The following NRXN3 variants were observed in gnomAD, a reference collection of about 807,000 sequenced individuals.
The protein encoded by NRXN3 is neurexin 3.
A neutral mutation model predicts 137.6 loss-of-function variants in NRXN3; 32 were observed. The ratio of observed to expected loss-of-function variants is 0.23; its 90% CI spans 0.18 to 0.31. The LOEUF is 0.31. NRXN3 is among the 10% of genes least tolerant of loss of function. The pLI, the probability that NRXN3 is intolerant of heterozygous loss-of-function variation, is 1.00. For missense variants in NRXN3, 1,574 were observed against 2,062.5 expected (o/e 0.76, Z 4.59); for synonymous variants, 798 against 784.5 (o/e 1.02, Z -0.29).
At chr14:78,429,366 A>G (rs958864808) in intron 4 of NRXN3, among the ~76,000 whole-genome samples, 3 of 152,304 alleles carry the variant, frequency 2.0e-5, no homozygotes, top group African/African-American at 7.2e-5. Flanking sequence ...GGCATGAGCC[A>G]CCACGCCCAG....
At chr14:79,036,593 GTTTTTTTTTTTT>G (rs57154485) in intron 15 of NRXN3, among the ~76,000 whole-genome samples, 53,541 of 101,852 alleles carry the variant, frequency 0.53, 15,313 homozygotes, top group South Asian at 0.69. Context: ...TTCGTTTTGG[GTTTTTTTTTTTT>G]TTTTTTTTTT....
Position 79,517,896 on chromosome 14 carries a change from C to CTTTTTTTTTTT in NRXN3, c.3444+50511_3444+50521dup, listed in dbSNP as rs34241975. The stretch of plus-strand genomic sequence containing the variant: ...TTCTTTCAGAGTTTTCCTGACTTTC[C>CTTTTTTTTTTT]TTTTTTTTTTTTTTTTTTTTTTTTT... On this transcript the variant is annotated intron_variant, in intron 16 of 20. Transcript: ENST00000335750. Among the ~76,000 whole-genome samples, 12 of 73,360 alleles carry CTTTTTTTTTTT rather than the reference C, an allele frequency of 1.6e-4. 1 individual carries two copies. Among genetic ancestry groups the CTTTTTTTTTTT allele is most frequent in the East Asian group, 1.4e-3 (3 of 2,072 alleles). The allele number at this position is 73,360 out of a possible 152,430, so 48.1% of individuals were successfully genotyped here. A position where few individuals can be genotyped will look rare whatever the true frequency, so the allele number is the denominator to read the frequency against.
At chr14:79,781,612 T>C (rs1327173803) in intron 19 of NRXN3, among the ~76,000 whole-genome samples, 1 of 152,222 alleles carries the variant, frequency 6.6e-6, no homozygotes, top group African/African-American at 2.4e-5. Context: ...GATCCTGTTT[T>C]CTTTTTCAGT....
chr14:79,253,605 C>T (rs1202526743), intron 15 of NRXN3, among the ~76,000 whole-genome samples: 1 of 152,152 alleles, frequency 6.6e-6, no homozygotes, highest in Non-Finnish European at 1.5e-5. Flanking sequence ...CTCACAGTTC[C>T]ACATGTCTGG....
intron 4 of NRXN3, among the ~76,000 whole-genome samples, chr14:78,533,099 C>CCTTTT (rs2096490931): frequency 1.7e-5 from 2 of 120,062 alleles, no homozygotes; most frequent in African/African-American, 3.1e-5. Context: ...TCCCTCCAGC[C>CCTTTT]TTTTTTTTTT....
intron 16 of NRXN3, among the ~76,000 whole-genome samples, chr14:79,516,879 A>G (rs1057260188): frequency 2.0e-5 from 3 of 152,196 alleles, no homozygotes; most frequent in African/African-American, 7.2e-5. Flanking sequence ...TTGAATGAAC[A>G]TGCCTTATTT....
chr14:78,483,039 A>T (rs1199287001), intron 4 of NRXN3, among the ~76,000 whole-genome samples: 1 of 152,020 alleles, frequency 6.6e-6, no homozygotes, highest in Non-Finnish European at 1.5e-5. Context: ...TTGTTTTTTT[A>T]AATTTTTGAG....
chr14:78,957,154 A>G lies in NRXN3; in HGVS notation c.2276-88A>G, dbSNP rs563983152. On this transcript the variant is annotated intron_variant, in intron 10 of 20. Coordinates refer to ENST00000335750, the MANE Select transcript of NRXN3 (RefSeq NM_001330195.2). ...ATAATTCCTTGAATGCTGCTGGGTC[A>G]TGTGCACCAGTGTGGTTTTGACAAC... is the stretch of plus-strand genomic sequence containing the variant. The G allele has an allele frequency of 2.2e-6, 3 of 1,383,114 alleles. No homozygotes were observed. The East Asian group carries it at 7.0e-5, about 32-fold the overall frequency. 85.7% of individuals were successfully genotyped at this position (1,383,114 alleles called of 1,614,324 possible). A position where few individuals can be genotyped will look rare whatever the true frequency, so the allele number is the denominator to read the frequency against.
chr14:78,605,240 TCA>T (rs2097239508), intron 4 of NRXN3, among the ~76,000 whole-genome samples: 1 of 152,292 alleles, frequency 6.6e-6, no homozygotes, highest in Non-Finnish European at 1.5e-5. Flanking sequence ...ACCTTTGATG[TCA>T]CAGTTTTCAC....
chr14:78,509,760 T>C (rs1258317239), intron 4 of NRXN3, among the ~76,000 whole-genome samples: 3 of 152,056 alleles, frequency 2.0e-5, no homozygotes, highest in Non-Finnish European at 4.4e-5. Context: ...TTATCTCACT[T>C]CAGAAAGCTC....
chr14:79,771,084 G>C (rs541802406), intron 19 of NRXN3, among the ~76,000 whole-genome samples: 78 of 152,260 alleles, frequency 5.1e-4, no homozygotes, highest in African/African-American at 1.8e-3. Context: ...GGAAGAAATT[G>C]AGTCTCTGAA....
At chr14:78,400,370 T>TG (rs1232556384) in intron 4 of NRXN3, among the ~76,000 whole-genome samples, 4 of 152,212 alleles carry the variant, frequency 2.6e-5, no homozygotes, top group African/African-American at 9.6e-5. Flanking sequence ...TTTTTACTGG[T>TG]GGTACTTTTA....
chr14:79,625,922 T>C (rs2098277316), intron 16 of NRXN3, among the ~76,000 whole-genome samples: 1 of 152,016 alleles, frequency 6.6e-6, no homozygotes. Context: ...AAAACAGGAG[T>C]GATGCATGTC....
At chr14:78,707,002 ATTG>A (rs1289957984) in intron 6 of NRXN3, among the ~76,000 whole-genome samples, 1 of 152,154 alleles carries the variant, frequency 6.6e-6, no homozygotes, top group Non-Finnish European at 1.5e-5. Context: ...GAAATTAGCC[ATTG>A]TTGTTTTGGA....
intron 4 of NRXN3, among the ~76,000 whole-genome samples, chr14:78,595,990 G>A (rs780922260): frequency 4.9e-4 from 74 of 152,236 alleles, no homozygotes; most frequent in Non-Finnish European, 8.1e-4. Context: ...GGTGGGGAGC[G>A]CTACTGACAT....
chr14:78,485,236 C>T (rs2095542718), intron 4 of NRXN3, among the ~76,000 whole-genome samples: 1 of 152,164 alleles, frequency 6.6e-6, no homozygotes, highest in African/African-American at 2.4e-5. Context: ...AATTGTGTGT[C>T]CCCCGGTTGG....
chr14:79,400,305 G>T (rs1014232070), intron 15 of NRXN3, among the ~76,000 whole-genome samples: 3 of 152,106 alleles, frequency 2.0e-5, no homozygotes, highest in Non-Finnish European at 2.9e-5. Flanking sequence ...GACTACGTAG[G>T]CATAGGTCCG....
chr14:78,918,262 G>A (rs1292436652), intron 10 of NRXN3, among the ~76,000 whole-genome samples: 1 of 114,082 alleles, frequency 8.8e-6, no homozygotes, highest in Non-Finnish European at 1.6e-5. Context: ...TCCAGCGTGG[G>A]CAACAAGAGC....
chr14:79,207,594 A>T (rs2066970896), intron 15 of NRXN3, among the ~76,000 whole-genome samples: 2 of 152,210 alleles, frequency 1.3e-5, no homozygotes, highest in African/African-American at 4.8e-5. Context: ...GAAGATGAGC[A>T]TGTGGCATAA....
Sources: allele counts gnomAD v4.1 joint callset (sites outside exome capture counted in the v4.1 genomes callset), GRCh38; gene constraint gnomAD v4.1.1; transcripts MANE v1.5; gene names NCBI Gene and HGNC (gene_info 2026-07-23, HGNC 2026-07-21).